The following PIK3C2G variants were observed in gnomAD, a reference collection of about 807,000 sequenced individuals.
PIK3C2G encodes the protein phosphatidylinositol 3-kinase C2 domain-containing subunit gamma.
In PIK3C2G, 168 loss-of-function variants were observed where a neutral mutation model predicts 181.1. The ratio of observed to expected loss-of-function variants is 0.93; its 90% CI spans 0.82 to 1.05. The LOEUF (loss-of-function observed/expected upper bound fraction) is 1.05, where lower values mean the gene tolerates loss of function less well. PIK3C2G is among the 50% of genes least tolerant of loss of function. The pLI, the probability that PIK3C2G is intolerant of heterozygous loss-of-function variation, is 0.00. For missense variants in PIK3C2G, 1,869 were observed against 1,732.8 expected (o/e 1.08, Z -1.40); for synonymous variants, 573 against 592.2 (o/e 0.97, Z 0.47).
Position 18,325,081 on chromosome 12 carries a change from T to C in PIK3C2G, c.1255T>C (p.Tyr419His). The change falls in exon 8 of 33, where the codon TAC becomes CAC. Residue 419 changes from tyrosine (Y) to histidine (H), a missense_variant. Physicochemically the swap from Tyr to His is moderately conservative, Grantham distance 83. Coordinates refer to ENST00000538779, the MANE Select transcript of PIK3C2G (RefSeq NM_001288772.2). The part of the protein sequence containing the change: ...LIRKYDFHLK[Y>H]LLKTQENVYN... ...CAGAAAATATGACTTCCACCTGAAA[T>C]ACCTATTGAAAACCCAGGTATTGAC... is the stretch of plus-strand genomic sequence containing the variant. 3 of 1,569,722 alleles carry C rather than the reference T, an allele frequency of 1.9e-6. No individual in the cohort carries two copies. The highest frequency in any genetic ancestry group is 2.2e-5 in the East Asian group (1 of 44,530).
At chr12:18,467,483 C>A (rs1019775924) in intron 18 of PIK3C2G, among the ~76,000 whole-genome samples, 4 of 143,042 alleles carry the variant, frequency 2.8e-5, no homozygotes, top group Non-Finnish European at 4.6e-5. Context: ...ATTTTATTTA[C>A]AGGTTTTTTT....
intron 12 of PIK3C2G, 187 bp downstream of exon 12, chr12:18,363,073 T>G: frequency 6.6e-6 from 3 of 456,662 alleles, no homozygotes; most frequent in Non-Finnish European, 1.1e-5. Flanking sequence ...AAAAGTCCAT[T>G]TAGAAACCTA....
the PIK3C2G span, chr12:18,688,059 G>T: frequency 1.2e-6 from 2 of 1,606,498 alleles, no homozygotes; most frequent in South Asian, 1.1e-5. Context: ...AAGTCTAATG[G>T]AAATTCAATA....
the PIK3C2G span, among the ~76,000 whole-genome samples, chr12:18,656,434 C>T: frequency 2.0e-5 from 3 of 151,914 alleles, no homozygotes; most frequent in African/African-American, 4.8e-5. Context: ...GGCATGGTGG[C>T]GGGCGCCTGT....
At chr12:18,474,561 A>T (rs1426843784) in intron 18 of PIK3C2G, among the ~76,000 whole-genome samples, 2 of 152,162 alleles carry the variant, frequency 1.3e-5, no homozygotes, top group South Asian at 4.1e-4. Flanking sequence ...ATAAAAAATC[A>T]TTACAAAGTA....
At chr12:18,378,084 T>G (rs192896826) in intron 13 of PIK3C2G, among the ~76,000 whole-genome samples, 10 of 152,216 alleles carry the variant, frequency 6.6e-5, no homozygotes, top group African/African-American at 2.4e-4. Context: ...TGCCTCAGGG[T>G]TAAAGCCATG....
chr12:18,359,783 G>T (rs1341975683), intron 11 of PIK3C2G, among the ~76,000 whole-genome samples: 1 of 151,974 alleles, frequency 6.6e-6, no homozygotes, highest in Non-Finnish European at 1.5e-5. Context: ...GCTCCCCTTG[G>T]TTACTGTTTG....
At chr12:18,395,543 A>G (rs1190788511) in intron 15 of PIK3C2G, among the ~76,000 whole-genome samples, 1 of 148,454 alleles carries the variant, frequency 6.7e-6, no homozygotes, top group East Asian at 2.0e-4. Context: ...GAAGAAAATC[A>G]TACTAGATGG....
chr12:18,334,975 G>A (rs1458711634), intron 8 of PIK3C2G, among the ~76,000 whole-genome samples: 2 of 152,104 alleles, frequency 1.3e-5, no homozygotes, highest in East Asian at 3.9e-4. Context: ...CAATAGCCTA[G>A]TGCAATTTTT....
At chr12:18,323,515 G>A (rs1334349179) in intron 7 of PIK3C2G, among the ~76,000 whole-genome samples, 1 of 152,088 alleles carries the variant, frequency 6.6e-6, no homozygotes, top group Admixed American at 6.6e-5. Flanking sequence ...TTTTCTCAAA[G>A]GGTATCTAAC....
At chr12:18,312,875 T>C (rs530027225) in intron 5 of PIK3C2G, among the ~76,000 whole-genome samples, 2 of 152,266 alleles carry the variant, frequency 1.3e-5, no homozygotes, top group South Asian at 4.1e-4. Context: ...AAATTCTATA[T>C]AATTATTCTA....
At chr12:18,650,196 C>T (rs1032243249), downstream of PIK3C2G, among the ~76,000 whole-genome samples, 8 of 151,682 alleles carry the variant, frequency 5.3e-5, no homozygotes, top group African/African-American at 1.9e-4. Context: ...GGGTTCTTTT[C>T]CCCCAGACCT....
chr12:18,694,200 T>C, the PIK3C2G span: 98 of 632,698 alleles, frequency 1.5e-4, no homozygotes, highest in Middle Eastern at 8.8e-4. Context: ...TTCCCATTGA[T>C]TTTTATTAGC....
intron 18 of PIK3C2G, among the ~76,000 whole-genome samples, chr12:18,480,382 A>G (rs188905707): frequency 1.3e-5 from 2 of 152,296 alleles, no homozygotes; most frequent in Non-Finnish European, 2.9e-5. Flanking sequence ...CTTAAACCCC[A>G]TTATTTGATA....
At chr12:18,439,266 AACAT>A (rs1474683315) in intron 18 of PIK3C2G, among the ~76,000 whole-genome samples, 1 of 152,028 alleles carries the variant, frequency 6.6e-6, no homozygotes, top group Admixed American at 6.6e-5. Flanking sequence ...AGTGAAATTT[AACAT>A]ACAGAGAAAT....
intron 5 of PIK3C2G, among the ~76,000 whole-genome samples, chr12:18,300,466 G>A (rs926031040): frequency 6.6e-6 from 1 of 151,830 alleles, no homozygotes; most frequent in African/African-American, 2.4e-5. Context: ...TTCTGTTTAT[G>A]CAGAATATCT....
chr12:18,636,107 A>G (rs770331007), intron 31 of PIK3C2G, among the ~76,000 whole-genome samples: 3 of 152,180 alleles, frequency 2.0e-5, no homozygotes, highest in African/African-American at 4.8e-5. Context: ...GTGTTACCAT[A>G]TGAACTAAAT....
the PIK3C2G span, among the ~76,000 whole-genome samples, chr12:18,659,639 T>C: frequency 6.6e-5 from 10 of 151,420 alleles, no homozygotes; most frequent in South Asian, 1.9e-3. Flanking sequence ...TTAAGTCTCC[T>C]TTACTATGGA....
chr12:18,328,811 T>A (rs1951463207), intron 8 of PIK3C2G, among the ~76,000 whole-genome samples: 1 of 152,002 alleles, frequency 6.6e-6, no homozygotes, highest in South Asian at 2.1e-4. Flanking sequence ...TCACTATTAT[T>A]CAAGTTGAGG....
Sources: allele counts gnomAD v4.1 joint callset (sites outside exome capture counted in the v4.1 genomes callset), GRCh38; gene constraint gnomAD v4.1.1; transcripts MANE v1.5; gene names NCBI Gene and HGNC (gene_info 2026-07-23, HGNC 2026-07-21).